Variants in AFF2 observed in about 807,000 individuals in gnomAD.
The protein encoded by AFF2 is ALF transcription elongation factor 2, also known as AF4/FMR2 family member 2.
AFF2 carries 14 observed loss-of-function variants against 76.9 expected under a neutral mutation model. The ratio of observed to expected loss-of-function variants is 0.18; its 90% confidence interval spans 0.12 to 0.28. The LOEUF (loss-of-function observed/expected upper bound fraction) is 0.28, where lower values mean the gene tolerates loss of function less well. Ranked by LOEUF, AFF2 falls within the 10% of genes least tolerant of loss-of-function variation. AFF2 has a pLI of 1.00. For synonymous variants in AFF2, 398 were observed against 366.7 expected, an observed-to-expected ratio of 1.09 and a Z score of -0.98; for missense variants, 868 against 1,001.1, an observed-to-expected ratio of 0.87 and a Z score of 1.79.
rs1390521684 is a variant in AFF2 at position 148,999,103 on chromosome X, CCT to C, written c.*7774_*7775del. On this transcript the variant is annotated 3_prime_UTR_variant, in exon 21 of 21. Coordinates refer to ENST00000370460, the MANE Select transcript of AFF2 (RefSeq NM_002025.4). ...TTTCAAAAGAGCACTTTAATAATAT[CCT>C]CTGAGACCTAATGCAGTTTAACAAA... 9.0e-6 allele frequency: 1 copy of C among 111,425 alleles called. No homozygotes were observed. The highest frequency in any genetic ancestry group is 9.5e-5 in the Admixed American group (1 of 10,485). The allele number at this position is 111,425 out of a possible 1,213,427, so 9.2% of individuals were successfully genotyped here.
chrX:148,769,770 C>T (rs1477346914), intron 3 of AFF2, among the ~76,000 whole-genome samples: 2 of 111,277 alleles, frequency 1.8e-5, no homozygotes, highest in African/African-American at 6.5e-5. Flanking sequence ...AACCCAGACC[C>T]CTTCTCCTTA....
intron 12 of AFF2, 82 bp downstream of exon 12, chrX:148,958,540 A>G: frequency 9.0e-7 from 1 of 1,110,266 alleles, no homozygotes; most frequent in Non-Finnish European, 1.2e-6. Flanking sequence ...TGTTTGGGGG[A>G]TCTTGCCCCA....
intron 3 of AFF2, among the ~76,000 whole-genome samples, chrX:148,779,094 TTA>T (rs1557268843): frequency 8.9e-6 from 1 of 111,912 alleles, no homozygotes; most frequent in Non-Finnish European, 1.9e-5. Context: ...CTTGATATTG[TTA>T]TTTACCCAGT....
chrX:148,713,703 C>A, intron 3 of AFF2, among the ~76,000 whole-genome samples: 1 of 111,516 alleles, frequency 9.0e-6, no homozygotes. Context: ...CTTATTGAGT[C>A]TTGAGTCCAA....
intron 3 of AFF2, among the ~76,000 whole-genome samples, chrX:148,695,414 A>G (rs2054708665): frequency 8.9e-6 from 1 of 112,102 alleles, no homozygotes; most frequent in East Asian, 2.8e-4. Flanking sequence ...CTGATGAATA[A>G]CAATACCATC....
intron 4 of AFF2, among the ~76,000 whole-genome samples, chrX:148,821,286 A>G (rs782502969): frequency 1.5e-4 from 17 of 111,458 alleles, no homozygotes; most frequent in Non-Finnish European, 2.5e-4. Flanking sequence ...GGAGCACTCA[A>G]TTAGATCCTT....
At chrX:148,955,565 T>A in intron 10 of AFF2, 38 bp from the exon 11 acceptor site, 1 of 1,172,476 alleles carries the variant, frequency 8.5e-7, no homozygotes, top group Non-Finnish European at 1.1e-6. Context: ...CCTTCCCAAG[T>A]GTAAAAATCA....
intron 3 of AFF2, among the ~76,000 whole-genome samples, chrX:148,772,367 G>A (rs189160659): frequency 3.6e-5 from 4 of 111,879 alleles, no homozygotes; most frequent in Admixed American, 2.8e-4. Flanking sequence ...GATTATAGAG[G>A]CATCTGAAAG....
At chrX:148,831,202 C>G (rs1321409193) in intron 4 of AFF2, among the ~76,000 whole-genome samples, 1 of 111,733 alleles carries the variant, frequency 8.9e-6, no homozygotes, top group Non-Finnish European at 1.9e-5. Context: ...CACACATGCT[C>G]TACAAACAAT....
intron 9 of AFF2, among the ~76,000 whole-genome samples, chrX:148,911,808 C>T (rs2071472246): frequency 8.9e-6 from 1 of 112,119 alleles, no homozygotes. Context: ...TTAGTTCAGC[C>T]GTTGTGGATA....
intron 19 of AFF2, among the ~76,000 whole-genome samples, chrX:148,983,951 G>GAAAAAAA (rs1569558020): frequency 7.0e-4 from 2 of 2,850 alleles, no homozygotes; most frequent in African/African-American, 7.7e-4. Context: ...GAGTGAAATA[G>GAAAAAAA]ACAAAAAAAA....
intron 7 of AFF2, among the ~76,000 whole-genome samples, chrX:148,881,220 A>G (rs1273878634): frequency 8.9e-6 from 1 of 111,876 alleles, no homozygotes; most frequent in East Asian, 2.8e-4. Context: ...CAGTGTCCCA[A>G]CGGTTGTTTC....
At chrX:148,803,416 A>G (rs1603303682) in intron 3 of AFF2, among the ~76,000 whole-genome samples, 5 of 111,395 alleles carry the variant, frequency 4.5e-5, no homozygotes, top group African/African-American at 1.6e-4. Flanking sequence ...GGGTAGCTGC[A>G]GCAACAGTAA....
chrX:148,743,064 T>G, intron 3 of AFF2, among the ~76,000 whole-genome samples: 1 of 112,309 alleles, frequency 8.9e-6, no homozygotes, highest in Admixed American at 9.4e-5. Context: ...GCTCCTTCTG[T>G]CTAAACGTTC....
intron 1 of AFF2, among the ~76,000 whole-genome samples, chrX:148,584,310 T>C (rs2053444506): frequency 8.9e-6 from 1 of 111,824 alleles, no homozygotes; most frequent in African/African-American, 3.3e-5. Flanking sequence ...AAAAAGTCAT[T>C]TTATTTTCTG....
chrX:148,700,985 G>GGAGAGA (rs34108020), intron 3 of AFF2, among the ~76,000 whole-genome samples: 855 of 81,712 alleles, frequency 0.01, 14 homozygotes, highest in African/African-American at 0.035. Context: ...AGGTATGATG[G>GGAGAGA]GAGAGAGAGA....
In AFF2 at chrX:148,581,476, ACG is replaced by A. The variant is rs1557244922; in HGVS notation, c.48-70522_48-70521del. Among the ~76,000 whole-genome samples, 6 of 86,431 alleles carry A rather than the reference ACG, an allele frequency of 6.9e-5. 2 individuals carry two copies. The highest frequency in any genetic ancestry group is 3.1e-4 in the African/African-American group (6 of 19,394). The allele number at this position is 86,431 out of a possible 115,157, so 75.1% of individuals were successfully genotyped here. On this transcript the variant is annotated intron_variant, in intron 1 of 20. Transcript: ENST00000370460. ...TACGTCTACGTGTACACACATATATACGTATACGTCTACGTGTACACACATAT... is the reference window on the plus strand; with the variant it reads ...TACGTCTACGTGTACACACATATATATATACGTCTACGTGTACACACATAT...
intron 9 of AFF2, among the ~76,000 whole-genome samples, chrX:148,914,209 A>T (rs191198014): frequency 1.3e-3 from 140 of 111,709 alleles, no homozygotes; most frequent in Admixed American, 2.1e-3. Context: ...AGAGAGCAGA[A>T]CAACATTTTC....
At chrX:148,614,717 C>CTTTCTTTCTTTCTTTCTTTCTTTCTT (rs1557249979) in intron 1 of AFF2, among the ~76,000 whole-genome samples, 3 of 47,678 alleles carry the variant, frequency 6.3e-5, no homozygotes, top group African/African-American at 2.5e-4. Flanking sequence ...TTCTTTCTTT[C>CTTTCTTTCTTTCTTTCTTTCTTTCTT]TTTCTTTCTT....
Sources: allele counts gnomAD v4.1 joint callset (sites outside exome capture counted in the v4.1 genomes callset), GRCh38; gene constraint gnomAD v4.1.1; transcripts MANE v1.5; gene names NCBI Gene and HGNC (gene_info 2026-07-23, HGNC 2026-07-21).